GRIA4: variants seen among roughly 807,000 people sequenced by gnomAD.
GRIA4 encodes the protein glutamate ionotropic receptor AMPA type subunit 4.
Under a neutral mutation model 104.0 loss-of-function variants are expected in GRIA4, and 34 were observed. The observed-to-expected ratio is 0.33, with a 90% CI of 0.25 to 0.44. GRIA4 has a LOEUF of 0.44. Ranked by LOEUF, GRIA4 falls within the 20% of genes least tolerant of loss-of-function variation. GRIA4 has a pLI of 1.00. For missense variants in GRIA4, 750 were observed against 1,096.5 expected, an observed-to-expected ratio of 0.68 and a Z score of 4.46; for synonymous variants, 386 against 381.9, an observed-to-expected ratio of 1.01 and a Z score of -0.13.
rs149278651 is a variant in GRIA4, at chr11:105,866,443, TTGTG to T, written c.672+4250_672+4253del. Among the ~76,000 whole-genome samples the T allele has an allele frequency of 7.5e-5, 11 of 146,878 alleles. No individual in the cohort carries two copies. In the South Asian group the frequency reaches 8.6e-4, roughly 12 times the overall value. ...TCCCCACTGTGTTGTGTGTGTGTGT[TTGTG>T]TGTGTGTGTGTGTGACACTGCATAT... On this transcript the variant is annotated intron_variant, in intron 5 of 16. Transcript: ENST00000282499.
intron 5 of GRIA4, among the ~76,000 whole-genome samples, chr11:105,864,466 T>C (rs932096338): frequency 6.6e-5 from 10 of 152,200 alleles, no homozygotes; most frequent in African/African-American, 2.2e-4. Context: ...AGTTAAATGC[T>C]AAATAATCTT....
chr11:105,643,160 C>G (rs1483511564), intron 3 of GRIA4, among the ~76,000 whole-genome samples: 1 of 152,098 alleles, frequency 6.6e-6, no homozygotes, highest in Non-Finnish European at 1.5e-5. Flanking sequence ...AACTACAATT[C>G]AAGATGAGAT....
At chr11:105,653,198 A>G (rs1294200440) in intron 3 of GRIA4, among the ~76,000 whole-genome samples, 1 of 152,226 alleles carries the variant, frequency 6.6e-6, no homozygotes, top group East Asian at 1.9e-4. Context: ...GGCGTCAGCC[A>G]CCGCACCCGG....
In GRIA4 at chr11:105,801,234, A is replaced by C. The variant is rs191308825; in HGVS notation, c.487+48014A>C. On this transcript the variant is annotated intron_variant, in intron 4 of 16. Transcript: ENST00000282499. ...TACCTGTTGAAATATTTAAATATTT[A>C]ATATTTAAAATGATGAATCAATTTA... is the stretch of plus-strand genomic sequence containing the variant. Among the ~76,000 whole-genome samples, 30 of 151,732 alleles carry C rather than the reference A, an allele frequency of 2.0e-4. No homozygotes were observed. The East Asian group carries it at 5.8e-3, about 30-fold the overall frequency.
rs138702300 is a variant in GRIA4, at chr11:105,940,871, A to T, written c.2294+6902A>T. Among the ~76,000 whole-genome samples the T allele has an allele frequency of 5.0e-3, 758 of 152,286 alleles. 5 individuals carry two copies. The highest frequency in any genetic ancestry group is 0.017 in the African/African-American group (696 of 41,562). On this transcript the variant is annotated intron_variant, in intron 14 of 16. Transcript: ENST00000282499. The stretch of plus-strand genomic sequence containing the variant: ...TTGGTAGTCATTTAGAATGAGCTGG[A>T]GAATAGCAATGACTCTGGTTTAGAA...
intron 10 of GRIA4, among the ~76,000 whole-genome samples, chr11:105,910,953 A>G (rs1284322692): frequency 1.3e-5 from 2 of 152,136 alleles, no homozygotes. Flanking sequence ...AATAATTAAT[A>G]GTGTTTAAAA....
chr11:105,682,302 C>T (rs1371909683), intron 3 of GRIA4, among the ~76,000 whole-genome samples: 1 of 152,036 alleles, frequency 6.6e-6, no homozygotes, highest in African/African-American at 2.4e-5. Flanking sequence ...TGCACTGCAG[C>T]CTCAAACTTC....
In GRIA4 at chr11:105,640,556, T is replaced by C. The variant is rs551221738; in HGVS notation, c.247+28122T>C. ...CCCATTGGATATTATTCAAAAATAC[T>C]CTTTTAATTACCAAGTAATTATTTT... On this transcript the variant is annotated intron_variant, in intron 3 of 16. Coordinates refer to ENST00000282499, the MANE Select transcript of GRIA4 (RefSeq NM_000829.4). Among the ~76,000 whole-genome samples, 270 of 152,094 alleles carry C rather than the reference T, an allele frequency of 1.8e-3. 1 individual carries two copies. Among genetic ancestry groups the C allele is most frequent in the African/African-American group, 6.3e-3 (261 of 41,562 alleles).
intron 4 of GRIA4, among the ~76,000 whole-genome samples, chr11:105,806,277 G>A (rs1230356580): frequency 6.6e-6 from 1 of 151,818 alleles, no homozygotes. Flanking sequence ...GGCCAGTCAA[G>A]CAGAGAGATT....
chr11:105,771,913 T>C (rs1591229016), intron 4 of GRIA4, among the ~76,000 whole-genome samples: 1 of 152,070 alleles, frequency 6.6e-6, no homozygotes, highest in Non-Finnish European at 1.5e-5. Flanking sequence ...TTATAAAAAT[T>C]AAAATGTATC....
At position 105,610,890 on chromosome 11, in the gene GRIA4, G is replaced by GTTTTTATT; in HGVS notation, c.-90-18_-90-17insTTTTTATT. 1 of 207,236 alleles carries GTTTTTATT rather than the reference G, an allele frequency of 4.8e-6. No homozygotes were observed. The highest frequency in any genetic ancestry group is 8.0e-6 in the Non-Finnish European group (1 of 124,810). The allele number at this position is 207,236 out of a possible 1,614,324, so 12.8% of individuals were successfully genotyped here. On this transcript the variant is annotated splice_polypyrimidine_tract_variant and intron_variant, in intron 1 of 16. Transcript: ENST00000282499. ...CTTTTCTTTTTTTTTTTTTTTTTTT[G>GTTTTTATT]GTTGATTTTAATTTTAGCGCCATCG...
intron 4 of GRIA4, among the ~76,000 whole-genome samples, chr11:105,846,050 TCAAAG>T (rs1447869921): frequency 6.6e-6 from 1 of 152,144 alleles, no homozygotes; most frequent in East Asian, 1.9e-4. Flanking sequence ...TTTTTATTTG[TCAAAG>T]CAAAGAAGAA....
At chr11:105,897,614 T>A (rs886471419) in intron 6 of GRIA4, among the ~76,000 whole-genome samples, 1 of 152,156 alleles carries the variant, frequency 6.6e-6, no homozygotes, top group Non-Finnish European at 1.5e-5. Context: ...ATTTTTATTA[T>A]GAAAGTATGT....
intron 14 of GRIA4, 55 bp from the exon 15 acceptor site, chr11:105,971,859 T>C: frequency 8.6e-7 from 1 of 1,160,436 alleles, no homozygotes; most frequent in Admixed American, 1.8e-5. Flanking sequence ...GTAGTTTTAC[T>C]TGAATAACAT....
At chr11:105,665,126 C>T (rs764027966) in intron 3 of GRIA4, among the ~76,000 whole-genome samples, 1 of 151,908 alleles carries the variant, frequency 6.6e-6, no homozygotes, top group Non-Finnish European at 1.5e-5. Context: ...AATGAAAATA[C>T]ACTCTTATGA....
At chr11:105,681,382 TGAAGTGGCACTTAA>T (rs1952705970) in intron 3 of GRIA4, among the ~76,000 whole-genome samples, 1 of 152,196 alleles carries the variant, frequency 6.6e-6, no homozygotes, top group South Asian at 2.1e-4. Flanking sequence ...TTTATATTTG[TGAAGTGGCACTTAA>T]GAAAAGTCAT....
intron 3 of GRIA4, among the ~76,000 whole-genome samples, chr11:105,703,803 T>A (rs1374583077): frequency 6.6e-6 from 1 of 152,178 alleles, no homozygotes; most frequent in Non-Finnish European, 1.5e-5. Flanking sequence ...CCTAATGGGA[T>A]AAATAATTAA....
At chr11:105,663,330 C>G (rs1952070084) in intron 3 of GRIA4, among the ~76,000 whole-genome samples, 1 of 151,836 alleles carries the variant, frequency 6.6e-6, no homozygotes, top group Non-Finnish European at 1.5e-5. Flanking sequence ...TTATCAATAA[C>G]TGGGATTCTC....
At chr11:105,678,870 T>G (rs1288288330) in intron 3 of GRIA4, among the ~76,000 whole-genome samples, 1 of 152,116 alleles carries the variant, frequency 6.6e-6, no homozygotes, top group Admixed American at 6.6e-5. Flanking sequence ...TTTTTCAGGA[T>G]GAAGTGGTCA....
Sources: allele counts gnomAD v4.1 joint callset (sites outside exome capture counted in the v4.1 genomes callset), GRCh38; gene constraint gnomAD v4.1.1; transcripts MANE v1.5; gene names NCBI Gene and HGNC (gene_info 2026-07-23, HGNC 2026-07-21).